The following RAPGEF4 variants were observed in gnomAD, a reference collection of about 807,000 sequenced individuals.
RAPGEF4 encodes the protein Rap guanine nucleotide exchange factor 4.
RAPGEF4 carries 66 observed loss-of-function variants against 147.9 expected under a neutral mutation model. The observed-to-expected ratio is 0.45, with a 90% confidence interval of 0.37 to 0.55. RAPGEF4 has a LOEUF of 0.55. Ranked by LOEUF, RAPGEF4 falls within the 20% of genes least tolerant of loss-of-function variation. RAPGEF4 has a pLI of 0.00. For synonymous variants in RAPGEF4, 419 were observed against 442.7 expected (o/e 0.95, Z 0.67); for missense variants, 1,071 against 1,257.3 (o/e 0.85, Z 2.24).
chr2:172,928,255 C>T (rs532597484), intron 6 of RAPGEF4: 42 of 452,382 alleles, frequency 9.3e-5, no homozygotes, highest in Admixed American at 3.8e-4. Context: ...GGCAGACTGT[C>T]GTTGCTGAAT....
rs1337938528 is a variant in RAPGEF4 at position 172,953,479 on chromosome 2, A to G, written c.538-7281A>G. On this transcript the variant is annotated intron_variant, in intron 6 of 30. Coordinates refer to ENST00000397081, the MANE Select transcript of RAPGEF4 (RefSeq NM_007023.4). The stretch of plus-strand genomic sequence containing the variant: ...TTATAATATATGTAAAACCAACCAA[A>G]TAACTCTCTAGAGAGAGACAGACAG... Among the ~76,000 whole-genome samples, 4 of 151,680 alleles carry G rather than the reference A, an allele frequency of 2.6e-5. No individual in the cohort carries two copies. The East Asian group carries it at 7.7e-4, about 29-fold the overall frequency.
At chr2:173,020,845 G>C (rs1696020167) in intron 23 of RAPGEF4, 130 bp downstream of exon 23, 5 of 654,012 alleles carry the variant, frequency 7.6e-6, no homozygotes, top group Non-Finnish European at 1.3e-5. Context: ...TTTTTCTGCA[G>C]TCTATTAGGT....
chr2:172,978,242 C>T (rs1052743142), intron 10 of RAPGEF4, among the ~76,000 whole-genome samples: 3 of 152,172 alleles, frequency 2.0e-5, no homozygotes, highest in Non-Finnish European at 2.9e-5. Flanking sequence ...GCTGTCCCTG[C>T]AAGGAGGCAG....
At chr2:173,036,061 G>A in intron 27 of RAPGEF4, 64 bp from the exon 28 acceptor site, 1 of 1,195,902 alleles carries the variant, frequency 8.4e-7, no homozygotes, top group African/African-American at 1.5e-5. Context: ...AGGTGTATTA[G>A]GAGGTAACAA....
intron 5 of RAPGEF4, among the ~76,000 whole-genome samples, chr2:172,919,598 C>G (rs1217597383): frequency 1.3e-5 from 2 of 152,130 alleles, no homozygotes; most frequent in South Asian, 4.1e-4. Context: ...CTCACTCTCC[C>G]CTCTTCCATG....
intron 4 of RAPGEF4, among the ~76,000 whole-genome samples, chr2:172,890,828 T>A (rs1285859475): frequency 6.6e-6 from 1 of 152,232 alleles, no homozygotes; most frequent in African/African-American, 2.4e-5. Context: ...ATGGGGACTT[T>A]CGTTAAAAAA....
chr2:172,810,648 C>G (rs964206964), intron 3 of RAPGEF4, among the ~76,000 whole-genome samples: 1 of 152,216 alleles, frequency 6.6e-6, no homozygotes, highest in African/African-American at 2.4e-5. Flanking sequence ...CCCTTGTTAT[C>G]TAGCAGAATT....
intron 4 of RAPGEF4, among the ~76,000 whole-genome samples, chr2:172,857,589 A>G (rs1272589742): frequency 6.6e-6 from 1 of 152,206 alleles, no homozygotes; most frequent in African/African-American, 2.4e-5. Flanking sequence ...GCCATCTTAC[A>G]TAGAAACTGG....
Position 172,967,258 on chromosome 2 carries a change from T to C in RAPGEF4, c.821-3T>C. ...CTGACACGTGCTTCCATGTTTCCCA[T>C]AGTGGACCAGGAGCACCATTTCCAA... On this transcript the variant is annotated splice_region_variant and splice_polypyrimidine_tract_variant and intron_variant, in intron 9 of 30. Coordinates refer to ENST00000397081, the MANE Select transcript of RAPGEF4 (RefSeq NM_007023.4). 6.2e-7 allele frequency: 1 copy of C among 1,610,870 alleles called. No homozygotes were observed.
chr2:173,030,461 G>C (rs1274284880), intron 26 of RAPGEF4, among the ~76,000 whole-genome samples: 2 of 152,176 alleles, frequency 1.3e-5, no homozygotes, highest in East Asian at 1.9e-4. Context: ...TATGGAGAGT[G>C]GGGGAGATGA....
At position 173,051,848 on chromosome 2, in the gene RAPGEF4, T is replaced by G; in HGVS notation, c.*81T>G. On this transcript the variant is annotated 3_prime_UTR_variant, in exon 31 of 31. Transcript: ENST00000397081. ...GCCATTTATGCTACTACTGACTGTA[T>G]TGCCACTAGAGAATTCTACAAAACA... 1 of 1,516,160 alleles carries G rather than the reference T, an allele frequency of 6.6e-7. No individual in the cohort carries two copies. The highest frequency in any genetic ancestry group is 1.2e-5 in the South Asian group (1 of 83,330). 93.9% of individuals were successfully genotyped at this position (1,516,160 alleles called of 1,614,324 possible). A position where few individuals can be genotyped will look rare whatever the true frequency, so the allele number is the denominator to read the frequency against.
intron 4 of RAPGEF4, among the ~76,000 whole-genome samples, chr2:172,876,460 G>C (rs937510029): frequency 6.6e-6 from 1 of 152,054 alleles, no homozygotes; most frequent in South Asian, 2.1e-4. Flanking sequence ...TAGCATGAAG[G>C]GCTGTTGAAT....
chr2:172,924,071 C>G (rs528956787), intron 6 of RAPGEF4, among the ~76,000 whole-genome samples: 99 of 152,296 alleles, frequency 6.5e-4, no homozygotes, highest in Admixed American at 1.4e-3. Context: ...ATGGATGTCC[C>G]AAATTATCCA....
chr2:172,773,731 GA>G (rs1235555268), intron 1 of RAPGEF4, among the ~76,000 whole-genome samples: 1 of 150,756 alleles, frequency 6.6e-6, no homozygotes, highest in East Asian at 1.9e-4. Flanking sequence ...TGGAGCTGGA[GA>G]AAAAAGGCAA....
chr2:172,767,662 C>G (rs1320142095), intron 1 of RAPGEF4, among the ~76,000 whole-genome samples: 3 of 152,022 alleles, frequency 2.0e-5, no homozygotes, highest in African/African-American at 7.2e-5. Flanking sequence ...GGTTATATTT[C>G]TTTTTTTATT....
At chr2:172,832,107 G>C (rs969127607) in intron 4 of RAPGEF4, among the ~76,000 whole-genome samples, 1 of 152,208 alleles carries the variant, frequency 6.6e-6, no homozygotes. Flanking sequence ...AGGAATAATA[G>C]TGTGAAATAT....
At chr2:172,924,747 C>CTT (rs1685104336) in intron 6 of RAPGEF4, among the ~76,000 whole-genome samples, 1 of 152,152 alleles carries the variant, frequency 6.6e-6, no homozygotes, top group Non-Finnish European at 1.5e-5. Context: ...ATGATGATTT[C>CTT]TTTTATCCTT....
intron 1 of RAPGEF4, among the ~76,000 whole-genome samples, chr2:172,781,430 A>G (rs1435698090): frequency 1.3e-5 from 2 of 151,972 alleles, no homozygotes; most frequent in Non-Finnish European, 2.9e-5. Context: ...GATCATTTGA[A>G]CCTAGGAGTT....
intron 4 of RAPGEF4, among the ~76,000 whole-genome samples, chr2:172,873,132 G>A (rs930936927): frequency 7.9e-5 from 12 of 152,188 alleles, no homozygotes; most frequent in Non-Finnish European, 1.5e-4. Flanking sequence ...TTTTCTCACA[G>A]TGAATACAAT....
Sources: allele counts gnomAD v4.1 joint callset (sites outside exome capture counted in the v4.1 genomes callset), GRCh38; gene constraint gnomAD v4.1.1; transcripts MANE v1.5; gene names NCBI Gene and HGNC (gene_info 2026-07-23, HGNC 2026-07-21).